The following SMG7 variants were observed in gnomAD, a reference collection of about 807,000 sequenced individuals.
The protein encoded by SMG7 is SMG7 nonsense mediated mRNA decay factor, also known as nonsense-mediated mRNA decay factor SMG7.
Under a neutral mutation model 148.2 loss-of-function variants are expected in SMG7, and 34 were observed. The observed-to-expected ratio is 0.23, with a 90% CI of 0.17 to 0.31. SMG7 has a LOEUF of 0.31. SMG7 is among the 10% of genes least tolerant of loss of function. The probability of loss-of-function intolerance (pLI) is 1.00; values close to 1 mark genes in which losing one functional copy is unlikely to be tolerated. For synonymous variants in SMG7, 492 were observed against 515.1 expected (o/e 0.96, Z 0.61); for missense variants, 1,114 against 1,408.4 (o/e 0.79, Z 3.35).
chr1:183,480,697 G>A (rs990274649), intron 1 of SMG7, among the ~76,000 whole-genome samples: 1 of 152,164 alleles, frequency 6.6e-6, no homozygotes. Context: ...ACTGGCAGTG[G>A]TATATACACA....
At chr1:183,515,847 C>T (rs377537727) in intron 2 of SMG7, 27 bp from the exon 3 acceptor site, 120 of 1,424,098 alleles carry the variant, frequency 8.4e-5, no homozygotes, top group Non-Finnish European at 1.1e-4. Context: ...ATCTATCTAC[C>T]GTTATGTTTT....
At chr1:183,478,248 G>A (rs1029190677) in intron 1 of SMG7, among the ~76,000 whole-genome samples, 3 of 152,046 alleles carry the variant, frequency 2.0e-5, no homozygotes, top group East Asian at 1.9e-4. Flanking sequence ...TGTGGTCCAC[G>A]AAGTCTTCTT....
chr1:183,472,756 C>T lies in SMG7; in HGVS notation c.29+107C>T. The T allele has an allele frequency of 4.8e-6, 5 of 1,040,560 alleles. No individual in the cohort carries two copies. The South Asian group carries it at 1.1e-4, about 22-fold the overall frequency. 64.5% of individuals were successfully genotyped at this position (1,040,560 alleles called of 1,614,324 possible). A position where few individuals can be genotyped will look rare whatever the true frequency, so the allele number is the denominator to read the frequency against. On this transcript the variant is annotated intron_variant, in intron 1 of 22. Coordinates refer to ENST00000688051, the MANE Select transcript of SMG7 (RefSeq NM_001375584.1). ...GGGGTGGCGGGGGAGTTGCTGCGTC[C>T]TCTCCTCGCCGGGCAGGTCGGCGGA...
intron 10 of SMG7, among the ~76,000 whole-genome samples, chr1:183,534,445 T>C (rs1667386565): frequency 6.6e-6 from 1 of 152,220 alleles, no homozygotes; most frequent in East Asian, 1.9e-4. Context: ...AAATAGGAAG[T>C]TCCTCCCCTG....
chr1:183,482,572 T>C (rs1654430977), intron 1 of SMG7, among the ~76,000 whole-genome samples: 1 of 152,050 alleles, frequency 6.6e-6, no homozygotes, highest in Non-Finnish European at 1.5e-5. Context: ...TAAAAGTAGG[T>C]GGTCAGAAAA....
At position 183,543,840 on chromosome 1, in the gene SMG7, T is replaced by C. The variant is rs183497144; in HGVS notation, c.1843-513T>C. Among the ~76,000 whole-genome samples the C allele has an allele frequency of 9.8e-5, 15 of 152,314 alleles. No homozygotes were observed. In the East Asian group the frequency reaches 1.5e-3, roughly 16 times the overall value. Reference sequence around the variant, plus strand: ...CTGCTGAAAGTATCCTTATTTATTCTGAAGGGTGGTAAAGTTGCAGGGTGG... The same window carrying C: ...CTGCTGAAAGTATCCTTATTTATTCCGAAGGGTGGTAAAGTTGCAGGGTGG... On this transcript the variant is annotated intron_variant, in intron 14 of 22. Transcript: ENST00000688051.
intron 1 of SMG7, among the ~76,000 whole-genome samples, chr1:183,486,236 G>A (rs920705209): frequency 6.6e-6 from 1 of 152,172 alleles, no homozygotes; most frequent in African/African-American, 2.4e-5. Flanking sequence ...TAATATATGA[G>A]ATTGCACTTA....
chr1:183,521,156 G>A (rs373181105), intron 4 of SMG7, among the ~76,000 whole-genome samples: 2 of 150,644 alleles, frequency 1.3e-5, no homozygotes, highest in South Asian at 4.2e-4. Context: ...CTCTGCCACT[G>A]GAGTGCAGTG....
intron 3 of SMG7, among the ~76,000 whole-genome samples, chr1:183,517,357 T>G (rs1321902056): frequency 6.6e-6 from 1 of 152,246 alleles, no homozygotes. Context: ...TGTTAATACC[T>G]TATTTTTACT....
chr1:183,476,104 A>G (rs1652109930), intron 1 of SMG7, among the ~76,000 whole-genome samples: 1 of 152,182 alleles, frequency 6.6e-6, no homozygotes, highest in African/African-American at 2.4e-5. Context: ...CCTCTTTTAG[A>G]TAATCATTCC....
chr1:183,495,666 C>T lies in SMG7; in HGVS notation c.30-17171C>T, dbSNP rs377706864. Among the ~76,000 whole-genome samples, 9 of 152,090 alleles carry T rather than the reference C, an allele frequency of 5.9e-5. No individual in the cohort carries two copies. The South Asian group carries it at 6.2e-4, about 11-fold the overall frequency. ...CGGGCGGATCATGAGGTCAGGAGTT[C>T]GAGACTAGCCTGGACAACATGGGGA... On this transcript the variant is annotated intron_variant, in intron 1 of 22. Transcript: ENST00000688051.
intron 2 of SMG7, among the ~76,000 whole-genome samples, chr1:183,513,698 G>A (rs1383927999): frequency 6.6e-6 from 1 of 151,924 alleles, no homozygotes; most frequent in Non-Finnish European, 1.5e-5. Flanking sequence ...AATGGCTGAG[G>A]TCTTTTGGAA....
At chr1:183,532,088 C>A (rs998972934) in intron 8 of SMG7, among the ~76,000 whole-genome samples, 1 of 152,170 alleles carries the variant, frequency 6.6e-6, no homozygotes, top group Non-Finnish European at 1.5e-5. Context: ...ATGTAAAAGA[C>A]TTCCCTCTTA....
chr1:183,546,638 C>G (rs1043823441), intron 17 of SMG7, among the ~76,000 whole-genome samples: 1 of 152,148 alleles, frequency 6.6e-6, no homozygotes, highest in Non-Finnish European at 1.5e-5. Context: ...CTCAGTTGGG[C>G]TGAATCATCT....
chr1:183,507,607 C>G (rs1264459239), intron 1 of SMG7, among the ~76,000 whole-genome samples: 1 of 152,152 alleles, frequency 6.6e-6, no homozygotes, highest in African/African-American at 2.4e-5. Flanking sequence ...ATGTAAAGCT[C>G]TTAGAACAAT....
chr1:183,524,072 A>G (rs1376893719), intron 4 of SMG7, among the ~76,000 whole-genome samples: 1 of 150,046 alleles, frequency 6.7e-6, no homozygotes, highest in East Asian at 2.0e-4. Flanking sequence ...TTATGTATTC[A>G]TTTTATTTTA....
chr1:183,497,687 A>G (rs1301252240), intron 1 of SMG7, among the ~76,000 whole-genome samples: 1 of 151,980 alleles, frequency 6.6e-6, no homozygotes, highest in Non-Finnish European at 1.5e-5. Context: ...CTCCTGCCTC[A>G]GCCTCTGGAG....
intron 18 of SMG7, chr1:183,548,898 T>A (rs1187879464): frequency 3.0e-6 from 1 of 333,740 alleles, no homozygotes; most frequent in Admixed American, 4.5e-5. Flanking sequence ...AGTGCAACTA[T>A]TGACAAGGGG....
At chr1:183,542,923 ATATATG>A (rs1160136436) in intron 14 of SMG7, among the ~76,000 whole-genome samples, 4 of 96,722 alleles carry the variant, frequency 4.1e-5, no homozygotes, top group African/African-American at 1.7e-4. Context: ...TATAATATAT[ATATATG>A]TGTGTGTGTG....
Sources: gnomAD v4.1 joint callset for allele counts (sites outside exome capture counted in the v4.1 genomes callset) on GRCh38, gnomAD v4.1.1 for gene constraint, MANE v1.5 for transcripts, NCBI Gene and HGNC (gene_info 2026-07-23, HGNC 2026-07-21) for gene names.